BMPER: variants seen among roughly 807,000 people sequenced by gnomAD.
BMPER encodes BMP-binding endothelial regulator protein.
BMPER carries 45 observed loss-of-function variants against 87.3 expected under a neutral mutation model. That is an observed-to-expected ratio of 0.52 (90% CI 0.41 to 0.66). The LOEUF is 0.66. BMPER is among the 30% of genes least tolerant of loss of function. The pLI, the probability that BMPER is intolerant of heterozygous loss-of-function variation, is 0.00. For synonymous variants in BMPER, 326 were observed against 316.2 expected (o/e 1.03, Z -0.33); for missense variants, 784 against 867.5 (o/e 0.90, Z 1.21).
At chr7:33,996,236 A>G (rs1299150271) in intron 6 of BMPER, among the ~76,000 whole-genome samples, 2 of 152,162 alleles carry the variant, frequency 1.3e-5, no homozygotes, top group Non-Finnish European at 2.9e-5. Flanking sequence ...TTTTTTAAAT[A>G]AAAGAAGTCC....
intron 6 of BMPER, among the ~76,000 whole-genome samples, chr7:34,025,802 A>C (rs1787343006): frequency 2.0e-5 from 3 of 152,064 alleles, no homozygotes; most frequent in Admixed American, 6.6e-5. Context: ...CTTGTGCTGC[A>C]TTCCTAAAAG....
At chr7:34,087,191 C>T (rs1789239069) in intron 13 of BMPER, among the ~76,000 whole-genome samples, 1 of 152,110 alleles carries the variant, frequency 6.6e-6, no homozygotes. Context: ...CCATTTGGCT[C>T]CGAGTCATGG....
At chr7:33,948,268 A>G (rs866671378) in intron 3 of BMPER, among the ~76,000 whole-genome samples, 2 of 152,184 alleles carry the variant, frequency 1.3e-5, no homozygotes, top group Non-Finnish European at 2.9e-5. Context: ...CATGTAAACT[A>G]CACTGTGAAA....
chr7:34,132,627 A>G (rs1165047954), intron 13 of BMPER, among the ~76,000 whole-genome samples: 2 of 152,190 alleles, frequency 1.3e-5, no homozygotes, highest in Non-Finnish European at 2.9e-5. Flanking sequence ...AGCTCACCAA[A>G]AAGGAGACAG....
intron 13 of BMPER, among the ~76,000 whole-genome samples, chr7:34,101,557 TTTGTCC>T (rs1468356130): frequency 6.6e-6 from 1 of 152,222 alleles, no homozygotes; most frequent in Non-Finnish European, 1.5e-5. Flanking sequence ...TTGTGTCTGC[TTTGTCC>T]TTGGTCCTTC....
Position 34,059,159 on chromosome 7 carries a change from A to G in BMPER, c.1032+996A>G, listed in dbSNP as rs1788364059. 1.3e-5 allele frequency among the ~76,000 whole-genome samples: 2 copies of G among 152,202 alleles called. 1 individual carries two copies. Among genetic ancestry groups the G allele is most frequent in the South Asian group, 4.1e-4 (2 of 4,832 alleles). ...GGTCTGCTTATAAATATTCATTGGG[A>G]AAAATGGGATCACATCATTATGCCA... On this transcript the variant is annotated intron_variant, in intron 10 of 14. Transcript: ENST00000649409.
At chr7:34,131,035 T>C (rs1790570491) in intron 13 of BMPER, among the ~76,000 whole-genome samples, 1 of 152,112 alleles carries the variant, frequency 6.6e-6, no homozygotes, top group South Asian at 2.1e-4. Flanking sequence ...CAGTTGCTTA[T>C]AGAAAACAGG....
chr7:34,038,578 T>C (rs1422040345), intron 6 of BMPER, among the ~76,000 whole-genome samples: 2 of 152,162 alleles, frequency 1.3e-5, no homozygotes, highest in African/African-American at 2.4e-5. Flanking sequence ...ATAACAATAA[T>C]GCAGTTATAC....
Position 34,154,416 on chromosome 7 carries a change from A to G in BMPER, c.*1143A>G, listed in dbSNP as rs1583488986. 1 of 152,226 alleles carries G rather than the reference A, an allele frequency of 6.6e-6. No individual in the cohort carries two copies. Among genetic ancestry groups the G allele is most frequent in the South Asian group, 2.1e-4 (1 of 4,832 alleles). The allele number at this position is 152,226 out of a possible 1,614,324, so 9.4% of individuals were successfully genotyped here. ...CGTCTTCAGTTGAATTGGTGAAAAC[A>G]TCAACAAAAACAAAACCCACTGTGT... On this transcript the variant is annotated 3_prime_UTR_variant, in exon 15 of 15. Transcript: ENST00000649409.
chr7:34,055,966 G>A (rs982441087), intron 9 of BMPER, among the ~76,000 whole-genome samples: 42 of 152,298 alleles, frequency 2.8e-4, no homozygotes, highest in African/African-American at 1.0e-3. Context: ...CCCTAGGGGT[G>A]GAAGGAGTCA....
At chr7:33,990,945 C>G (rs1336637294) in intron 6 of BMPER, among the ~76,000 whole-genome samples, 1 of 125,182 alleles carries the variant, frequency 8.0e-6, no homozygotes, top group Admixed American at 9.0e-5. Flanking sequence ...TTGAACCAGC[C>G]TTGCATCCCA....
intron 6 of BMPER, among the ~76,000 whole-genome samples, chr7:34,011,400 C>T (rs1456294798): frequency 6.6e-6 from 1 of 151,444 alleles, no homozygotes; most frequent in Non-Finnish European, 1.5e-5. Context: ...GTTTGGCTTC[C>T]TCTAAAGGTA....
chr7:33,963,282 G>A (rs1270014583), intron 3 of BMPER, among the ~76,000 whole-genome samples: 1 of 152,116 alleles, frequency 6.6e-6, no homozygotes, highest in Non-Finnish European at 1.5e-5. Flanking sequence ...AACCCAGAAT[G>A]TGTCCCAGAA....
intron 3 of BMPER, among the ~76,000 whole-genome samples, chr7:33,942,501 C>T (rs1458237327): frequency 1.3e-5 from 2 of 152,194 alleles, no homozygotes; most frequent in African/African-American, 2.4e-5. Flanking sequence ...CCTGCTGTAT[C>T]AGCAGCACCC....
At chr7:33,996,221 A>AT (rs200544921) in intron 6 of BMPER, among the ~76,000 whole-genome samples, 244 of 149,124 alleles carry the variant, frequency 1.6e-3, no homozygotes, top group Non-Finnish European at 2.1e-3. Context: ...TCCCACCCCC[A>AT]TTTTTTTTTT....
chr7:34,141,640 A>G (rs1790875958), intron 13 of BMPER, among the ~76,000 whole-genome samples: 1 of 150,798 alleles, frequency 6.6e-6, no homozygotes, highest in African/African-American at 2.4e-5. Context: ...AAAAAGTACA[A>G]CCATGATTAC....
At chr7:33,915,889 G>A (rs1332241854) in intron 2 of BMPER, among the ~76,000 whole-genome samples, 2 of 152,174 alleles carry the variant, frequency 1.3e-5, no homozygotes, top group Admixed American at 1.3e-4. Flanking sequence ...TAGTTGTATG[G>A]CTTTATGTAA....
Position 34,153,211 on chromosome 7 carries a change from C to T in BMPER, c.1996C>T (p.Pro666Ser), listed in dbSNP as rs752612012. Residue 666 changes from proline to serine, a missense_variant, in exon 15 of 15, where the codon CCA becomes TCA. Pro to Ser is a moderately conservative substitution (Grantham distance 74, BLOSUM62 -1). Coordinates refer to ENST00000649409, the MANE Select transcript of BMPER (RefSeq NM_001365308.1). ...GCCGTGCGTTGCTGGGTGCCACTGT[C>T]CAGCAAACTTGGTCCTTCACAAGGG... ...NKPCVAGCHC[P>S]ANLVLHKGRC... The T allele has an allele frequency of 1.2e-6, 2 of 1,613,956 alleles. No homozygotes were observed. Among genetic ancestry groups the T allele is most frequent in the African/African-American group, 2.7e-5 (2 of 74,904 alleles).
At chr7:34,024,789 A>C (rs898997185) in intron 6 of BMPER, among the ~76,000 whole-genome samples, 1 of 152,010 alleles carries the variant, frequency 6.6e-6, no homozygotes, top group African/African-American at 2.4e-5. Flanking sequence ...GAATATGCAA[A>C]TATGTATCAA....
Sources: gnomAD v4.1 joint callset for allele counts (sites outside exome capture counted in the v4.1 genomes callset) on GRCh38, gnomAD v4.1.1 for gene constraint, MANE v1.5 for transcripts, NCBI Gene and HGNC (gene_info 2026-07-23, HGNC 2026-07-21) for gene names.